The following IL23R variants were observed in gnomAD, a reference collection of about 807,000 sequenced individuals.
IL23R encodes interleukin 23 receptor.
IL23R carries 34 observed loss-of-function variants against 56.9 expected under a neutral mutation model. The observed-to-expected ratio is 0.60, with a 90% confidence interval of 0.45 to 0.80. The LOEUF (loss-of-function observed/expected upper bound fraction) is 0.80. IL23R is among the 30% of genes least tolerant of loss of function. The pLI, the probability that IL23R is intolerant of heterozygous loss-of-function variation, is 0.00. For synonymous variants in IL23R, 230 were observed against 249.2 expected (o/e 0.92, Z 0.73); for missense variants, 635 against 730.0 (o/e 0.87, Z 1.50).
chr1:67,260,394 A>G (rs1428793130), downstream of IL23R, among the ~76,000 whole-genome samples: 1 of 152,180 alleles, frequency 6.6e-6, no homozygotes, highest in Admixed American at 6.6e-5. Flanking sequence ...AATTATTGTT[A>G]AAACAGGTAT....
intron 1 of IL23R, among the ~76,000 whole-genome samples, chr1:67,167,459 G>T (rs1377144977): frequency 6.6e-6 from 1 of 152,158 alleles, no homozygotes; most frequent in Non-Finnish European, 1.5e-5. Flanking sequence ...CATTTTCTCT[G>T]GGAGTTCTGA....
intron 6 of IL23R, among the ~76,000 whole-genome samples, chr1:67,216,081 G>T (rs1558248027): frequency 6.6e-6 from 1 of 152,106 alleles, no homozygotes; most frequent in African/African-American, 2.4e-5. Flanking sequence ...ATCTTTATGG[G>T]CTGTCTCCTA....
chr1:67,145,029 G>A (rs752362033), intron 1 of IL23R, among the ~76,000 whole-genome samples: 3 of 152,124 alleles, frequency 2.0e-5, no homozygotes, highest in Non-Finnish European at 2.9e-5. Context: ...CCTAGTCGCT[G>A]AGAATGAAAT....
chr1:67,169,845 G>A (rs370765322), intron 3 of IL23R, among the ~76,000 whole-genome samples: 2 of 152,116 alleles, frequency 1.3e-5, no homozygotes, highest in African/African-American at 2.4e-5. Flanking sequence ...GTAATCACAG[G>A]TGCCCGGTAT....
At position 67,227,940 on chromosome 1, in the gene IL23R, A is replaced by ATCTTTCTTTCTCTT. The variant is rs1490344663; in HGVS notation, c.955+8221_955+8222insCTTTCTTTCTTTCT. 4.3e-4 allele frequency among the ~76,000 whole-genome samples: 16 copies of ATCTTTCTTTCTCTT among 37,486 alleles called. 3 individuals are homozygous for ATCTTTCTTTCTCTT. The East Asian group carries it at 0.014, about 32-fold the overall frequency. The allele number at this position is 37,486 out of a possible 152,430, so 24.6% of individuals were successfully genotyped here. On this transcript the variant is annotated intron_variant, in intron 7 of 10. Transcript: ENST00000347310. ...TGCAACCTATTACTACAGAACAAAGATCTTTCTTTCTTTCTTTCTTTCTTT... is the reference window on the plus strand; with the variant it reads ...TGCAACCTATTACTACAGAACAAAGATCTTTCTTTCTCTTTCTTTCTTTCTTTCTTTCTTTCTTT...
intron 1 of IL23R, among the ~76,000 whole-genome samples, chr1:67,152,819 G>A (rs1190968282): frequency 6.6e-6 from 1 of 152,174 alleles, no homozygotes; most frequent in African/African-American, 2.4e-5. Context: ...TGGTGGATAA[G>A]CTTTTTGATG....
chr1:67,196,470 G>A (rs916621116), intron 4 of IL23R, among the ~76,000 whole-genome samples: 14 of 152,206 alleles, frequency 9.2e-5, no homozygotes, highest in African/African-American at 3.4e-4. Flanking sequence ...AGCCCAGAAA[G>A]TCAAGGCTGC....
chr1:67,185,722 G>T (rs973238855), intron 4 of IL23R, among the ~76,000 whole-genome samples: 1 of 152,124 alleles, frequency 6.6e-6, no homozygotes, highest in African/African-American at 2.4e-5. Context: ...ACATTGCCAG[G>T]CCTAGAGTTA....
intron 7 of IL23R, among the ~76,000 whole-genome samples, chr1:67,224,699 T>A (rs920013793): frequency 3.4e-4 from 51 of 152,174 alleles, no homozygotes; most frequent in African/African-American, 1.2e-3. Flanking sequence ...TATTTAGACT[T>A]TAATAGGACA....
chr1:67,141,037 T>C (rs1366573539), intron 1 of IL23R, among the ~76,000 whole-genome samples: 1 of 152,180 alleles, frequency 6.6e-6, no homozygotes, highest in Non-Finnish European at 1.5e-5. Context: ...CATAGGATGA[T>C]AAATATGATG....
intron 6 of IL23R, among the ~76,000 whole-genome samples, chr1:67,208,980 T>C (rs917983336): frequency 3.3e-5 from 5 of 152,286 alleles, no homozygotes; most frequent in Non-Finnish European, 7.4e-5. Flanking sequence ...AACCCACCTC[T>C]TTTATCAGCA....
rs556722860 is a variant in IL23R at position 67,230,003 on chromosome 1, G to A, written c.956-6710G>A. ...AAGCCTGGCAAAATGGGCATGAACA[G>A]GATCCGAGTGAGAGCAGGACCCAGA... is the stretch of plus-strand genomic sequence containing the variant. On this transcript the variant is annotated intron_variant, in intron 7 of 10. Coordinates refer to ENST00000347310, the MANE Select transcript of IL23R (RefSeq NM_144701.3). Among the ~76,000 whole-genome samples, 70 of 152,366 alleles carry A rather than the reference G, an allele frequency of 4.6e-4. 2 individuals carry two copies. The South Asian group carries it at 0.015, about 32-fold the overall frequency.
chr1:67,150,583 C>G (rs1450241634), intron 1 of IL23R, among the ~76,000 whole-genome samples: 1 of 149,348 alleles, frequency 6.7e-6, no homozygotes. Context: ...CATCCATGTC[C>G]CTGCAAAGGA....
intron 4 of IL23R, among the ~76,000 whole-genome samples, chr1:67,190,580 A>G (rs911034477): frequency 1.3e-5 from 2 of 152,148 alleles, no homozygotes; most frequent in African/African-American, 2.4e-5. Context: ...TCTACTCCAT[A>G]AATATTTGTT....
upstream of IL23R, among the ~76,000 whole-genome samples, chr1:67,165,842 G>A (rs1411021252): frequency 6.6e-6 from 1 of 152,086 alleles, no homozygotes; most frequent in African/African-American, 2.4e-5. Context: ...ATTGGTCGAA[G>A]GGCATAAACT....
chr1:67,187,196 C>A (rs1411437378), intron 4 of IL23R, among the ~76,000 whole-genome samples: 3 of 152,178 alleles, frequency 2.0e-5, no homozygotes, highest in South Asian at 2.1e-4. Context: ...ACATTCCCAA[C>A]AACAGTGTAT....
intron 7 of IL23R, among the ~76,000 whole-genome samples, chr1:67,228,447 C>T (rs1193577293): frequency 6.8e-6 from 1 of 146,614 alleles, no homozygotes; most frequent in East Asian, 2.2e-4. Flanking sequence ...CTCTGCCCAC[C>T]TTGGCCTCCC....
At chr1:67,179,385 A>C (rs1057152759) in intron 3 of IL23R, among the ~76,000 whole-genome samples, 1 of 151,966 alleles carries the variant, frequency 6.6e-6, no homozygotes, top group Non-Finnish European at 1.5e-5. Context: ...TTTCTTCTAG[A>C]CTTTCTAGTT....
At position 67,236,822 on chromosome 1, in the gene IL23R, GC is replaced by G; in HGVS notation, c.1045+21del. 3 of 1,497,322 alleles carry G rather than the reference GC, an allele frequency of 2.0e-6. No homozygotes were observed. Among genetic ancestry groups the G allele is most frequent in the Non-Finnish European group, 2.8e-6 (3 of 1,073,782 alleles). The allele number at this position is 1,497,322 out of a possible 1,614,324, so 92.8% of individuals were successfully genotyped here. A position where few individuals can be genotyped will look rare whatever the true frequency, so the allele number is the denominator to read the frequency against. ...CTTCTGGTAAGAAAATACAACTTAGGCTTTTTGAGTAGTCTTTTAGTAATTG... is the reference window on the plus strand; with the variant it reads ...CTTCTGGTAAGAAAATACAACTTAGGTTTTTGAGTAGTCTTTTAGTAATTG... On this transcript the variant is annotated intron_variant, in intron 8 of 10. Coordinates refer to ENST00000347310, the MANE Select transcript of IL23R (RefSeq NM_144701.3).
Sources: gnomAD v4.1 joint callset for allele counts (sites outside exome capture counted in the v4.1 genomes callset) on GRCh38, gnomAD v4.1.1 for gene constraint, MANE v1.5 for transcripts, NCBI Gene and HGNC (gene_info 2026-07-23, HGNC 2026-07-21) for gene names.